The following NBPF9 variants were observed in gnomAD, a reference collection of about 807,000 sequenced individuals.
NBPF9 encodes the protein NBPF member 9.
In NBPF9, 91 loss-of-function variants were observed where a neutral mutation model predicts 97.8. That is an observed-to-expected ratio of 0.93 (90% confidence interval 0.79 to 1.11). The LOEUF is 1.11. Among genes scored for constraint, NBPF9 ranks in the 50% least tolerant of loss-of-function variants. The probability of loss-of-function intolerance (pLI) is 0.00; values close to 1 mark genes in which losing one functional copy is unlikely to be tolerated. For synonymous variants in NBPF9, 334 were observed against 359.5 expected (o/e 0.93, Z 0.80); for missense variants, 992 against 939.5 (o/e 1.06, Z -0.73).
At chr1:149,082,059 C>A in exon 7 of NBPF9, 1 of 1,611,118 alleles carries the variant, frequency 6.2e-7, no homozygotes, top group Non-Finnish European at 8.5e-7. Context: ...TCTCTGCCAA[C>A]TGGGGGCGCA....
intron 9 of NBPF9, 129 bp from the exon 10 acceptor site, chr1:149,078,084 T>C: frequency 2.5e-6 from 2 of 801,810 alleles, no homozygotes; most frequent in Non-Finnish European, 4.0e-6. Flanking sequence ...TCATGTTTTA[T>C]CTTTCACAAA....
chr1:149,085,001 C>T (rs1182375500), intron 5 of NBPF9, among the ~76,000 whole-genome samples: 9 of 152,016 alleles, frequency 5.9e-5, no homozygotes, highest in African/African-American at 1.7e-4. Flanking sequence ...CTCCCACCTT[C>T]AGCGTTCCCA....
chr1:149,094,159 C>T (rs1465446783), intron 4 of NBPF9, among the ~76,000 whole-genome samples: 34 of 151,818 alleles, frequency 2.2e-4, no homozygotes, highest in Middle Eastern at 3.4e-3. Context: ...AAAATAAAGA[C>T]GGTTCACTAC....
chr1:149,055,962 A>G (rs1263712786), intron 29 of NBPF9, 63 bp from the exon 30 acceptor site: 1 of 1,611,680 alleles, frequency 6.2e-7, no homozygotes, highest in African/African-American at 1.3e-5. Context: ...GAGCCCCACT[A>G]GATTTCAGAA....
intron 7 of NBPF9, among the ~76,000 whole-genome samples, chr1:149,081,060 G>A (rs2080389992): frequency 6.6e-6 from 1 of 151,880 alleles, no homozygotes; most frequent in Non-Finnish European, 1.5e-5. Context: ...TGTGCACCAG[G>A]AAGCAGGACT....
chr1:149,103,171 C>CT (rs1321053694), intron 1 of NBPF9, 130 bp downstream of exon 1: 3 of 151,020 alleles, frequency 2.0e-5, no homozygotes, highest in African/African-American at 7.3e-5. Context: ...GAACACACGC[C>CT]CTCCCAACCC....
rs587669807 is a variant in NBPF9, at chr1:149,068,942, C to T, written c.1637+652G>A. On this transcript the variant is annotated intron_variant, in intron 17 of 29. Coordinates refer to ENST00000584027, the Ensembl canonical transcript of NBPF9. ...ACAAACTGTCAGACCACAGTGCAAT[C>T]AAATTAGAACTCAGGATTAAGAAAC... 3.8e-3 allele frequency among the ~76,000 whole-genome samples: 584 copies of T among 152,056 alleles called. 1 individual carries two copies. The highest frequency in any genetic ancestry group is 7.2e-3 in the Admixed American group (110 of 15,244).
chr1:149,074,962 C>T (rs2079731147), intron 12 of NBPF9, among the ~76,000 whole-genome samples: 1 of 151,132 alleles, frequency 6.6e-6, no homozygotes, highest in Non-Finnish European at 1.5e-5. Flanking sequence ...CAGTCACCTG[C>T]CACCACGCCC....
intron 16 of NBPF9, among the ~76,000 whole-genome samples, chr1:149,070,157 C>T (rs1186356612): frequency 4.1e-5 from 6 of 147,486 alleles, no homozygotes; most frequent in African/African-American, 2.6e-5. Context: ...CCTGTCTCTA[C>T]TAAAAATACA....
rs2079811911 is a variant in NBPF9 at position 149,075,771 on chromosome 1, A to AT, written c.871dup (p.Ile291AsnfsTer3). On this transcript the variant is annotated frameshift_variant, in exon 12 of 30. Coordinates refer to ENST00000584027, the Ensembl canonical transcript of NBPF9. LOFTEE classifies it high-confidence loss of function. ...CAGCTGGGGGCGCAATTTCTCATTG[A>AT]TTTCTAGAATGTTCATCTCTGCCTT... 6.3e-7 allele frequency: 1 copy of AT among 1,583,800 alleles called. No individual in the cohort carries two copies. Among genetic ancestry groups the AT allele is most frequent in the African/African-American group, 1.3e-5 (1 of 74,632 alleles).
chr1:149,096,913 A>G (rs1451400881), intron 4 of NBPF9, among the ~76,000 whole-genome samples: 2 of 139,360 alleles, frequency 1.4e-5, no homozygotes, highest in African/African-American at 5.4e-5. Flanking sequence ...ACAAGACAGA[A>G]GCAGCTCCAG....
exon 21 of NBPF9, chr1:149,062,903 C>G: frequency 1.2e-6 from 1 of 815,704 alleles, no homozygotes; most frequent in East Asian, 2.5e-5. Flanking sequence ...CTTCTTGGTA[C>G]TTTTCAATTT....
At chr1:149,059,146 C>T in intron 25 of NBPF9, 49 bp from the exon 26 acceptor site, 1 of 408,692 alleles carries the variant, frequency 2.4e-6, no homozygotes, top group Non-Finnish European at 4.5e-6. Context: ...AATCAGAAAC[C>T]ACACAGCCCC....
intron 3 of NBPF9, among the ~76,000 whole-genome samples, chr1:149,100,470 C>T (rs1392721460): frequency 6.8e-6 from 1 of 146,886 alleles, no homozygotes; most frequent in African/African-American, 2.5e-5. Context: ...TGGGATCTCA[C>T]TATATTGCCC....
At chr1:149,052,385 C>T (rs1311070054), downstream of NBPF9, among the ~76,000 whole-genome samples, 4 of 150,736 alleles carry the variant, frequency 2.7e-5, no homozygotes, top group East Asian at 2.0e-4. Context: ...TCACTGTGAC[C>T]GAGCACCAGG....
intron 4 of NBPF9, among the ~76,000 whole-genome samples, chr1:149,095,495 GT>G (rs1354462329): frequency 6.7e-6 from 1 of 148,464 alleles, no homozygotes; most frequent in Non-Finnish European, 1.5e-5. Context: ...CTTCTGTTGT[GT>G]GAAAGACACT....
Position 149,062,096 on chromosome 1 carries a change from C to T in NBPF9, c.2248G>A (p.Asp750Asn), listed in dbSNP as rs2078636961. The T allele has an allele frequency of 7.5e-6, 9 of 1,193,782 alleles. 3 individuals carry two copies. The highest frequency in any genetic ancestry group is 2.5e-5 in the South Asian group (2 of 81,022). The allele number at this position is 1,193,782 out of a possible 1,614,324, so 73.9% of individuals were successfully genotyped here. Residue 750 changes from aspartate to asparagine, a missense_variant, in exon 22 of 30, where the codon GAC becomes AAC. Asp to Asn is a conservative substitution (Grantham distance 23). This residue lies in a region of NBPF9 where 397 missense variants were observed against 213.6 expected (regional missense o/e 1.86). Coordinates refer to ENST00000584027, the Ensembl canonical transcript of NBPF9. Reference sequence around the variant, plus strand: ...ACCTTCATAGTAAGGTACTCACTGTCCAAGTCAAGAGCCAAGCCAAGGTAC... The same window carrying T: ...ACCTTCATAGTAAGGTACTCACTGTTCAAGTCAAGAGCCAAGCCAAGGTAC...
intron 15 of NBPF9, 118 bp from the exon 16 acceptor site, chr1:149,071,257 G>A (rs1159105135): frequency 1.7e-5 from 23 of 1,331,774 alleles, no homozygotes; most frequent in Non-Finnish European, 2.5e-5. Flanking sequence ...AAAGCAAAAT[G>A]GAGGTTCCCA....
intron 12 of NBPF9, among the ~76,000 whole-genome samples, 160 bp downstream of exon 12, chr1:149,075,495 T>G (rs1420530656): frequency 6.6e-6 from 1 of 152,004 alleles, no homozygotes; most frequent in Non-Finnish European, 1.5e-5. Flanking sequence ...CTTTGGTACC[T>G]CTGTCTTCCA....
Sources: gnomAD v4.1 joint callset for allele counts (sites outside exome capture counted in the v4.1 genomes callset) on GRCh38, gnomAD v4.1.1 for gene constraint, gnomAD v4.1.1 regional missense constraint, MANE v1.5 for transcripts, NCBI Gene and HGNC (gene_info 2026-07-23, HGNC 2026-07-21) for gene names.